KCNK10: variants seen among roughly 807,000 people sequenced by gnomAD.
KCNK10 encodes potassium two pore domain channel subfamily K member 10, also known as potassium channel subfamily K member 10.
KCNK10 carries 25 observed loss-of-function variants against 47.7 expected under a neutral mutation model. The observed-to-expected ratio is 0.52, with a 90% confidence interval of 0.38 to 0.73. KCNK10 has a LOEUF of 0.73. Ranked by LOEUF, KCNK10 falls within the 30% of genes least tolerant of loss-of-function variation. The probability of loss-of-function intolerance (pLI) is 0.00; values close to 1 mark genes in which losing one functional copy is unlikely to be tolerated. For missense variants in KCNK10, 563 were observed against 714.5 expected (o/e 0.79, Z 2.42); for synonymous variants, 303 against 285.6 (o/e 1.06, Z -0.61).
intron 2 of KCNK10, among the ~76,000 whole-genome samples, chr14:88,241,534 T>C (rs1886469099): frequency 6.6e-6 from 1 of 152,014 alleles, no homozygotes; most frequent in African/African-American, 2.4e-5. Context: ...TTTTTAAAAA[T>C]AAGCTACAAT....
At chr14:88,255,469 G>A (rs28460334) in intron 2 of KCNK10, among the ~76,000 whole-genome samples, 2,346 of 151,866 alleles carry the variant, frequency 0.015, 56 homozygotes, top group African/African-American at 0.054. Flanking sequence ...TGAGGTGGGA[G>A]GATTGCTTGA....
chr14:88,203,048 G>A (rs1359752693), intron 4 of KCNK10, among the ~76,000 whole-genome samples: 1 of 152,202 alleles, frequency 6.6e-6, no homozygotes, highest in Admixed American at 6.5e-5. Flanking sequence ...GTGGCAGGCA[G>A]GAGCAGACAT....
At chr14:88,230,169 T>C (rs973058460) in intron 3 of KCNK10, among the ~76,000 whole-genome samples, 5 of 152,186 alleles carry the variant, frequency 3.3e-5, no homozygotes, top group Non-Finnish European at 7.3e-5. Flanking sequence ...AAGCACCCCG[T>C]TTGCCTTGTG....
In KCNK10 at chr14:88,185,420, A is replaced by G. The variant is rs1566676063; in HGVS notation, c.*115T>C. The G allele has an allele frequency of 4.3e-6, 6 of 1,379,428 alleles. No homozygotes were observed. The highest frequency in any genetic ancestry group is 4.9e-6 in the Non-Finnish European group (5 of 1,021,266). 85.4% of individuals were successfully genotyped at this position (1,379,428 alleles called of 1,614,324 possible). On this transcript the variant is annotated 3_prime_UTR_variant, in exon 7 of 7. Transcript: ENST00000319231. The surrounding 1 kb of genome is among the most constrained non-coding windows in gnomAD (Gnocchi z 4.3). ...ATGGCACAGTGAAATATATTCTTCA[A>G]TGCTATGTAATTTTGGACTAAAAAG...
chr14:88,252,085 CT>C (rs966817477), intron 2 of KCNK10, among the ~76,000 whole-genome samples: 10 of 151,444 alleles, frequency 6.6e-5, no homozygotes, highest in African/African-American at 2.2e-4. Flanking sequence ...AACCAAGACA[CT>C]TTTTTTTTAA....
chr14:88,271,609 T>C (rs1192525629), intron 1 of KCNK10, among the ~76,000 whole-genome samples: 1 of 152,120 alleles, frequency 6.6e-6, no homozygotes, highest in Non-Finnish European at 1.5e-5. Flanking sequence ...GGGTACAAAA[T>C]ACTTGTGAGA....
chr14:88,270,514 G>T (rs2139762248), intron 1 of KCNK10, among the ~76,000 whole-genome samples: 1 of 152,298 alleles, frequency 6.6e-6, no homozygotes, highest in South Asian at 2.1e-4. Flanking sequence ...GCCACCCGAG[G>T]CTCTCCCTTT....
chr14:88,182,280 CTCTT>C lies in KCNK10; in HGVS notation c.*3251_*3254del, dbSNP rs937443398. ...CCCCACTGAAGATGGTGGACGTGTG[CTCTT>C]TCTTTGTGTGAAATCGAAACATTTC... On this transcript the variant is annotated 3_prime_UTR_variant, in exon 7 of 7. Coordinates refer to ENST00000319231, the MANE Select transcript of KCNK10 (RefSeq NM_138317.3). 1 of 152,262 alleles carries C rather than the reference CTCTT, an allele frequency of 6.6e-6. No homozygotes were observed. Among genetic ancestry groups the C allele is most frequent in the Non-Finnish European group, 1.5e-5 (1 of 68,038 alleles). 9.4% of individuals were successfully genotyped at this position (152,262 alleles called of 1,614,324 possible).
rs543965267 is a variant in KCNK10 at position 88,184,532 on chromosome 14, T to C, written c.*1003A>G. The C allele has an allele frequency of 2.0e-5, 3 of 152,472 alleles. No homozygotes were observed. In the South Asian group the frequency reaches 6.2e-4, roughly 32 times the overall value. The allele number at this position is 152,472 out of a possible 1,614,324, so 9.4% of individuals were successfully genotyped here. A position where few individuals can be genotyped will look rare whatever the true frequency, so the allele number is the denominator to read the frequency against. ...GACAAAAAGCCCTGAGATGGAAAGA[T>C]GCCATGGTCCTCCTCAGTGTGTCTC... On this transcript the variant is annotated 3_prime_UTR_variant, in exon 7 of 7. Coordinates refer to ENST00000319231, the MANE Select transcript of KCNK10 (RefSeq NM_138317.3).
At chr14:88,230,796 G>A (rs758638418) in intron 3 of KCNK10, among the ~76,000 whole-genome samples, 7 of 152,056 alleles carry the variant, frequency 4.6e-5, no homozygotes, top group African/African-American at 1.4e-4. Flanking sequence ...ATGAAATACC[G>A]GGCAAGTTAT....
intron 4 of KCNK10, among the ~76,000 whole-genome samples, chr14:88,199,131 G>C (rs1268675371): frequency 6.6e-6 from 1 of 152,076 alleles, no homozygotes; most frequent in African/African-American, 2.4e-5. Flanking sequence ...TGTTGGCCAT[G>C]CTGGTCTTGA....
chr14:88,254,716 A>G (rs573030069), intron 2 of KCNK10, among the ~76,000 whole-genome samples: 1 of 152,320 alleles, frequency 6.6e-6, no homozygotes, highest in East Asian at 1.9e-4. Context: ...GCGGCATGTG[A>G]GGACGTCAAA....
intron 2 of KCNK10, among the ~76,000 whole-genome samples, chr14:88,241,888 G>A (rs1240578302): frequency 6.6e-6 from 1 of 152,178 alleles, no homozygotes; most frequent in African/African-American, 2.4e-5. Context: ...AAACTCCGTA[G>A]CAGTTCTTCC....
chr14:88,185,712 G>C lies in KCNK10; in HGVS notation c.1455C>G (p.Ser485=). The C allele has an allele frequency of 6.2e-7, 1 of 1,614,118 alleles. No individual in the cohort carries two copies. Among genetic ancestry groups the C allele is most frequent in the Non-Finnish European group, 8.5e-7 (1 of 1,180,028 alleles). ...CCTCCTCTTTCTTCTCCTCGTCCAGGGAGTAATTCCGGAAGGTCTTGTAGA... is the reference window on the plus strand; with the variant it reads ...CCTCCTCTTTCTTCTCCTCGTCCAGCGAGTAATTCCGGAAGGTCTTGTAGA... The part of the protein sequence containing the change: ...QKIYKTFRNY[S]LDEEKKEEET... Residue 485 remains serine (S), a synonymous_variant, in exon 7 of 7, where the codon TCC becomes TCG. Transcript: ENST00000319231. This position sits in a 1 kb window ranked among gnomAD's most constrained non-coding sequence, Gnocchi z 4.3.
chr14:88,310,803 A>T (rs1353375039), intron 1 of KCNK10, among the ~76,000 whole-genome samples: 1 of 152,204 alleles, frequency 6.6e-6, no homozygotes, highest in African/African-American at 2.4e-5. Context: ...CACCAGGAAC[A>T]AAGTGACAGC....
rs1884415833 is a variant in KCNK10 at position 88,182,851 on chromosome 14, A to C, written c.*2684T>G. 6.6e-6 allele frequency: 1 copy of C among 152,392 alleles called. No individual in the cohort carries two copies. The highest frequency in any genetic ancestry group is 1.5e-5 in the Non-Finnish European group (1 of 68,048). The allele number at this position is 152,392 out of a possible 1,614,324, so 9.4% of individuals were successfully genotyped here. A position where few individuals can be genotyped will look rare whatever the true frequency, so the allele number is the denominator to read the frequency against. Reference sequence around the variant, plus strand: ...ACAAAGTTAGCAAGTAAAGTGCAAAAGAGTGCTTTCAAAGGGCATTTTTTA... The same window carrying C: ...ACAAAGTTAGCAAGTAAAGTGCAAACGAGTGCTTTCAAAGGGCATTTTTTA... On this transcript the variant is annotated 3_prime_UTR_variant, in exon 7 of 7. Coordinates refer to ENST00000319231, the MANE Select transcript of KCNK10 (RefSeq NM_138317.3).
chr14:88,240,420 T>G (rs1318349831), intron 3 of KCNK10, among the ~76,000 whole-genome samples: 1 of 152,226 alleles, frequency 6.6e-6, no homozygotes, highest in Non-Finnish European at 1.5e-5. Flanking sequence ...AAATGGAAGT[T>G]GAGCTCAAAT....
chr14:88,279,774 C>T (rs942699675), intron 1 of KCNK10, among the ~76,000 whole-genome samples: 5 of 152,132 alleles, frequency 3.3e-5, no homozygotes, highest in Non-Finnish European at 7.4e-5. Context: ...CAAGTCTCAA[C>T]TTGAACTGTA....
At chr14:88,228,240 G>A (rs1208040916) in intron 3 of KCNK10, among the ~76,000 whole-genome samples, 2 of 152,126 alleles carry the variant, frequency 1.3e-5, no homozygotes, top group Non-Finnish European at 1.5e-5. Flanking sequence ...AAAGTTTATT[G>A]ATGGATGTTT....
Sources: gnomAD v4.1 joint callset for allele counts (sites outside exome capture counted in the v4.1 genomes callset) on GRCh38, gnomAD v4.1.1 for gene constraint, Gnocchi (gnomAD v3.1) non-coding constraint, MANE v1.5 for transcripts, NCBI Gene and HGNC (gene_info 2026-07-23, HGNC 2026-07-21) for gene names.